Variants in IP6K2 observed in about 807,000 individuals in gnomAD.
IP6K2 encodes the protein ATP:1D-myo-inositol-hexakisphosphate phosphotransferase.
A neutral mutation model predicts 43.3 loss-of-function variants in IP6K2; 9 were observed. The observed-to-expected ratio is 0.21, with a 90% CI of 0.13 to 0.36. IP6K2 has a LOEUF of 0.36. Among genes scored for constraint, IP6K2 ranks in the 10% least tolerant of loss-of-function variants. IP6K2 has a pLI of 1.00. For missense variants in IP6K2, 332 were observed against 538.4 expected, an observed-to-expected ratio of 0.62 and a Z score of 3.79; for synonymous variants, 209 against 202.4, an observed-to-expected ratio of 1.03 and a Z score of -0.28.
Position 48,688,822 on chromosome 3 carries a change from C to G in IP6K2, c.781-49G>C. ...CAGGGGCTGAGGGCCATCTCAAACC[C>G]TGGACCCCGGGCGGGGGTGGGGTGG... On this transcript the variant is annotated intron_variant, in intron 5 of 5. Coordinates refer to ENST00000328631, the MANE Select transcript of IP6K2 (RefSeq NM_016291.4). This position sits in a 1 kb window ranked among gnomAD's most constrained non-coding sequence, Gnocchi z 5.1. The G allele has an allele frequency of 6.4e-7, 1 of 1,553,566 alleles. No homozygotes were observed. The highest frequency in any genetic ancestry group is 8.7e-7 in the Non-Finnish European group (1 of 1,150,866).
At position 48,710,114 on chromosome 3, in the gene IP6K2, C is replaced by T. The variant is rs920118502; in HGVS notation, c.-131+7043G>A. On this transcript the variant is annotated intron_variant, in intron 1 of 5. Transcript: ENST00000328631. The stretch of plus-strand genomic sequence containing the variant: ...GATCGCACGCATTTGAGGCCAGGCA[C>T]GGAGGCTCACACCTATAATCTCAGC... 6.6e-5 allele frequency among the ~76,000 whole-genome samples: 10 copies of T among 152,246 alleles called. No individual in the cohort carries two copies. The South Asian group carries it at 8.3e-4, about 13-fold the overall frequency.
Position 48,695,519 on chromosome 3 carries a change from A to G in IP6K2, c.-130-98T>C. The G allele has an allele frequency of 1.5e-6, 2 of 1,292,804 alleles. No individual in the cohort carries two copies. Among genetic ancestry groups the G allele is most frequent in the Non-Finnish European group, 2.0e-6 (2 of 1,018,434 alleles). The allele number at this position is 1,292,804 out of a possible 1,614,324, so 80.1% of individuals were successfully genotyped here. A position where few individuals can be genotyped will look rare whatever the true frequency, so the allele number is the denominator to read the frequency against. ...TCCTTCAGCAGAAAGACAAAGACAA[A>G]CAGTCTGAGTTCTTGCGGGACTCCG... On this transcript the variant is annotated intron_variant, in intron 1 of 5. Transcript: ENST00000328631. The surrounding 1 kb of genome is among the most constrained non-coding windows in gnomAD (Gnocchi z 4.6).
rs757888180 is a variant in IP6K2 at position 48,691,494 on chromosome 3, T to A, written c.429-12A>T. On this transcript the variant is annotated splice_polypyrimidine_tract_variant and intron_variant, in intron 3 of 5. Coordinates refer to ENST00000328631, the MANE Select transcript of IP6K2 (RefSeq NM_016291.4). ...CTTCTAACTTATGGCTATAAAGAGA[T>A]AAGGACCAATAAATCAGTATGTCTT... 2 of 1,588,642 alleles carry A rather than the reference T, an allele frequency of 1.3e-6. No individual in the cohort carries two copies. Among genetic ancestry groups the A allele is most frequent in the Non-Finnish European group, 1.7e-6 (2 of 1,161,546 alleles).
chr3:48,691,535 G>A, intron 3 of IP6K2, 53 bp from the exon 4 acceptor site: 1 of 1,391,830 alleles, frequency 7.2e-7, no homozygotes, highest in Non-Finnish European at 1.0e-6. Context: ...AATTCAGAAG[G>A]CCGGGCATGG....
rs2077762033 is a variant in IP6K2, at chr3:48,691,322, G to A, written c.589C>T (p.His197Tyr). The A allele has an allele frequency of 6.2e-7, 1 of 1,613,492 alleles. No individual in the cohort carries two copies. Among genetic ancestry groups the A allele is most frequent in the African/African-American group, 1.3e-5 (1 of 74,912 alleles). Residue 197 changes from histidine to tyrosine, a missense_variant, in exon 4 of 6, where the codon CAT becomes TAT. Physicochemically the swap from His to Tyr is moderately conservative, Grantham distance 83. Transcript: ENST00000328631. ...CAAAGGATACTGTACTGGTTCCGAT[G>A]CTTTGCATTCTCCTTCATTCTCTGT... ...QLQRMKENAK[H>Y]RNQYKFILLE... is the part of the protein sequence containing the mutation.
intron 1 of IP6K2, among the ~76,000 whole-genome samples, chr3:48,715,702 TTC>T (rs1040214148): frequency 4.8e-5 from 7 of 147,348 alleles, no homozygotes; most frequent in Non-Finnish European, 3.0e-5. Flanking sequence ...TTTCATTTCT[TTC>T]TCTCTCTCTC....
At chr3:48,689,287 GTAT>G (rs2077574578) in intron 5 of IP6K2, among the ~76,000 whole-genome samples, 1 of 152,140 alleles carries the variant, frequency 6.6e-6, no homozygotes, top group African/African-American at 2.4e-5. Flanking sequence ...CAAGTAGCTG[GTAT>G]TACAGCCGTG....
intron 3 of IP6K2, among the ~76,000 whole-genome samples, 170 bp from the exon 4 acceptor site, chr3:48,691,652 C>G (rs2077793413): frequency 6.6e-6 from 1 of 152,004 alleles, no homozygotes; most frequent in East Asian, 1.9e-4. Context: ...CCTGTCTCTA[C>G]TAAAAATACA....
intron 1 of IP6K2, among the ~76,000 whole-genome samples, chr3:48,705,224 G>GA (rs1241826787): frequency 4.6e-5 from 7 of 152,094 alleles, no homozygotes; most frequent in Non-Finnish European, 8.8e-5. Flanking sequence ...TTACAGGCGT[G>GA]AATCACCCCA....
chr3:48,699,679 A>G (rs1003241291), intron 1 of IP6K2: 1 of 152,166 alleles, frequency 6.6e-6, no homozygotes, highest in African/African-American at 2.4e-5. Context: ...TTAGGGAAAC[A>G]ATTGACCATC....
intron 2 of IP6K2, chr3:48,694,390 G>A: frequency 6.5e-7 from 1 of 1,544,562 alleles, no homozygotes; most frequent in South Asian, 1.2e-5. Context: ...AAGAACCTAA[G>A]TTGTTCTAGA....
At chr3:48,716,777 G>A (rs1361611771) in intron 1 of IP6K2, among the ~76,000 whole-genome samples, 1 of 152,060 alleles carries the variant, frequency 6.6e-6, no homozygotes, top group Non-Finnish European at 1.5e-5. Context: ...GGAGATCGTG[G>A]CCGCCAATGA....
intron 1 of IP6K2, among the ~76,000 whole-genome samples, chr3:48,703,020 T>A (rs2079239633): frequency 6.6e-6 from 1 of 152,224 alleles, no homozygotes; most frequent in Non-Finnish European, 1.5e-5. Flanking sequence ...GCTGCACACT[T>A]TACAAAATGC....
At chr3:48,696,074 C>T (rs9854034) in intron 1 of IP6K2, among the ~76,000 whole-genome samples, 21,365 of 151,342 alleles carry the variant, frequency 0.14, 1,754 homozygotes, top group African/African-American at 0.23. Flanking sequence ...TTAGTAGAGA[C>T]GGGGTTTCAC....
rs778980331 is a variant in IP6K2 at position 48,688,588 on chromosome 3, C to G, written c.966G>C (p.Glu322Asp). The change falls in exon 6 of 6, where the codon GAG (glutamate) becomes GAC (aspartate). Residue 322 changes from glutamate (E) to aspartate (D), a missense_variant. By Grantham distance (45) the Glu-to-Asp change is conservative. Transcript: ENST00000328631. The surrounding 1 kb of genome is among the most constrained non-coding windows in gnomAD (Gnocchi z 5.1). ...TELKAVLERQ[E>D]SYRFYSSSLL... Reference sequence around the variant, plus strand: ...GGGAGCTTGAGTAGAAGCGGTAGGACTCCTGTCGCTCCAACACTGCCTTGA... The same window carrying G: ...GGGAGCTTGAGTAGAAGCGGTAGGAGTCCTGTCGCTCCAACACTGCCTTGA... 2.4e-5 allele frequency: 39 copies of G among 1,614,112 alleles called. No homozygotes were observed. Among genetic ancestry groups the G allele is most frequent in the Non-Finnish European group, 2.9e-5 (34 of 1,180,054 alleles).
At chr3:48,710,700 C>T (rs1444812041) in intron 1 of IP6K2, among the ~76,000 whole-genome samples, 1 of 151,978 alleles carries the variant, frequency 6.6e-6, no homozygotes, top group African/African-American at 2.4e-5. Flanking sequence ...AGCTCTGCCT[C>T]CCGGGTTCAC....
At chr3:48,705,444 C>T (rs1308310030) in intron 1 of IP6K2, among the ~76,000 whole-genome samples, 4 of 151,834 alleles carry the variant, frequency 2.6e-5, no homozygotes, top group African/African-American at 9.6e-5. Context: ...TTTGGGAGGC[C>T]GAGGCGGGCG....
chr3:48,710,862 G>T (rs1057390161), intron 1 of IP6K2, among the ~76,000 whole-genome samples: 12 of 152,112 alleles, frequency 7.9e-5, no homozygotes, highest in Non-Finnish European at 1.8e-4. Flanking sequence ...ATCCGCCTCG[G>T]CCGCCCAAAG....
At chr3:48,693,893 C>T in intron 2 of IP6K2, 1 of 1,237,796 alleles carries the variant, frequency 8.1e-7, no homozygotes, top group Non-Finnish European at 1.0e-6. Context: ...CAGCTTTTCC[C>T]CTTAAGTCTC....
Sources: gnomAD v4.1 joint callset for allele counts (sites outside exome capture counted in the v4.1 genomes callset) on GRCh38, gnomAD v4.1.1 for gene constraint, Gnocchi (gnomAD v3.1) non-coding constraint, MANE v1.5 for transcripts, NCBI Gene and HGNC (gene_info 2026-07-23, HGNC 2026-07-21) for gene names.